The following ART3 variants were observed in gnomAD, a reference collection of about 807,000 sequenced individuals.
The protein encoded by ART3 is ecto-ADP-ribosyltransferase 3.
In ART3, 49 loss-of-function variants were observed where a neutral mutation model predicts 48.5. The observed-to-expected ratio is 1.01, with a 90% CI of 0.80 to 1.28. The LOEUF is 1.28. ART3 is among the 50% of genes most tolerant of loss of function. The pLI, the probability that ART3 is intolerant of heterozygous loss-of-function variation, is 0.00. For synonymous variants in ART3, 145 were observed against 157.2 expected (o/e 0.92, Z 0.58); for missense variants, 438 against 454.3 (o/e 0.96, Z 0.33).
chr4:76,107,812 C>A lies in ART3; in HGVS notation c.1036+19C>A, dbSNP rs1318574436. 1.6e-5 allele frequency: 24 copies of A among 1,464,492 alleles called. No homozygotes were observed. The highest frequency in any genetic ancestry group is 1.3e-4 in the South Asian group (10 of 77,450). 90.7% of individuals were successfully genotyped at this position (1,464,492 alleles called of 1,614,324 possible). On this transcript the variant is annotated intron_variant, in intron 11 of 11. Transcript: ENST00000355810. ...AATCCTAGTAAGAAGTATCTCATTT[C>A]CTCAGTTGATAAATGCCTGCTTCTG...
intron 3 of ART3, among the ~76,000 whole-genome samples, chr4:76,088,057 C>G (rs1237850183): frequency 6.6e-6 from 1 of 151,978 alleles, no homozygotes; most frequent in African/African-American, 2.4e-5. Context: ...AATGAGACAC[C>G]CATCTCTTAA....
chr4:76,079,627 T>C (rs1328738681), intron 2 of ART3, among the ~76,000 whole-genome samples: 1 of 152,066 alleles, frequency 6.6e-6, no homozygotes, highest in Non-Finnish European at 1.5e-5. Flanking sequence ...AACTGGAATA[T>C]GTTGGGTCTG....
rs536015526 is a variant in ART3, at chr4:76,099,040, G to A, written c.847+53G>A. The A allele has an allele frequency of 2.4e-5, 36 of 1,525,388 alleles. No individual in the cohort carries two copies. The African/African-American group carries it at 4.2e-4, about 18-fold the overall frequency. The allele number at this position is 1,525,388 out of a possible 1,614,324, so 94.5% of individuals were successfully genotyped here. A position where few individuals can be genotyped will look rare whatever the true frequency, so the allele number is the denominator to read the frequency against. On this transcript the variant is annotated intron_variant, in intron 5 of 11. Coordinates refer to ENST00000355810, the MANE Select transcript of ART3 (RefSeq NM_001130016.3). ...ATCTTGGTTGGGCATGGTGGCTCAC[G>A]CCTGTAATCCCAGCGCTTTGGAAGG... is the stretch of plus-strand genomic sequence containing the variant.
chr4:76,080,302 A>G (rs1722173133), intron 2 of ART3, among the ~76,000 whole-genome samples: 1 of 152,210 alleles, frequency 6.6e-6, no homozygotes, highest in Non-Finnish European at 1.5e-5. Context: ...ACAGTATAAT[A>G]CATATATTCC....
At chr4:76,098,608 A>C (rs1402130926) in intron 4 of ART3, among the ~76,000 whole-genome samples, 1 of 152,038 alleles carries the variant, frequency 6.6e-6, no homozygotes, top group Non-Finnish European at 1.5e-5. Context: ...AAAATACAAA[A>C]ATTAGCCAGG....
At chr4:76,029,186 A>T (rs1733664959) in intron 1 of ART3, among the ~76,000 whole-genome samples, 1 of 152,240 alleles carries the variant, frequency 6.6e-6, no homozygotes, top group Admixed American at 6.5e-5. Context: ...GATATGATAT[A>T]GTTCAGTAGT....
intron 9 of ART3, 95 bp downstream of exon 9, chr4:76,104,064 T>C (rs578128723): frequency 1.5e-6 from 2 of 1,339,928 alleles, no homozygotes; most frequent in East Asian, 2.3e-5. Context: ...CTATTATTCA[T>C]GAATATTTCC....
Position 76,100,717 on chromosome 4 carries a change from T to C in ART3, c.878-78T>C. On this transcript the variant is annotated intron_variant, in intron 6 of 11. Transcript: ENST00000355810. ...GGAATATTTTCATATTTCTTGCAAATAATTTTGCTGTAGCTGTAGTAACTG... is the reference window on the plus strand; with the variant it reads ...GGAATATTTTCATATTTCTTGCAAACAATTTTGCTGTAGCTGTAGTAACTG... 5 of 1,495,290 alleles carry C rather than the reference T, an allele frequency of 3.3e-6. No individual in the cohort carries two copies. In the South Asian group the frequency reaches 4.9e-5, roughly 15 times the overall value. The allele number at this position is 1,495,290 out of a possible 1,614,324, so 92.6% of individuals were successfully genotyped here. A position where few individuals can be genotyped will look rare whatever the true frequency, so the allele number is the denominator to read the frequency against.
At position 76,074,795 on chromosome 4, in the gene ART3, C is replaced by A. The variant is rs922369581; in HGVS notation, c.-34C>A. 3 of 152,192 alleles carry A rather than the reference C, an allele frequency of 2.0e-5. No homozygotes were observed. The highest frequency in any genetic ancestry group is 4.4e-5 in the Non-Finnish European group (3 of 68,028). 9.4% of individuals were successfully genotyped at this position (152,192 alleles called of 1,614,324 possible). ...AGTTTGAGGCCTAGCATCACTTAAA[C>A]TTCCTCCAAAGGCACAAAAGCCAGG... On this transcript the variant is annotated 5_prime_UTR_variant, in exon 1 of 12. Coordinates refer to ENST00000355810, the MANE Select transcript of ART3 (RefSeq NM_001130016.3).
At chr4:76,029,442 A>C (rs1733686139) in intron 1 of ART3, among the ~76,000 whole-genome samples, 1 of 152,196 alleles carries the variant, frequency 6.6e-6, no homozygotes, top group South Asian at 2.1e-4. Context: ...AAGTGAAACT[A>C]TGGTTTCAGT....
At chr4:76,042,431 A>T (rs1297048297) in intron 1 of ART3, among the ~76,000 whole-genome samples, 1 of 152,210 alleles carries the variant, frequency 6.6e-6, no homozygotes, top group Non-Finnish European at 1.5e-5. Context: ...TAGAAGACAG[A>T]TGACTCACTC....
intron 1 of ART3, among the ~76,000 whole-genome samples, chr4:76,048,938 C>T (rs543334081): frequency 2.0e-5 from 3 of 151,946 alleles, no homozygotes; most frequent in Non-Finnish European, 4.4e-5. Context: ...GAGGGCCATA[C>T]CCTGAGGGAG....
At position 76,111,057 on chromosome 4, in the gene ART3, A is replaced by G. The variant is rs144580550; in HGVS notation, c.1037-1329A>G. ...AAAACTTAACTGCATAAAATTAACT[A>G]TAATACATACTGTATCATTGTAATC... On this transcript the variant is annotated intron_variant, in intron 11 of 11. Transcript: ENST00000355810. Among the ~76,000 whole-genome samples the G allele has an allele frequency of 2.2e-4, 34 of 152,324 alleles. No individual in the cohort carries two copies. In the East Asian group the frequency reaches 5.8e-3, roughly 26 times the overall value.
intron 1 of ART3, among the ~76,000 whole-genome samples, chr4:76,054,193 T>C (rs1353376349): frequency 6.6e-6 from 1 of 152,132 alleles, no homozygotes; most frequent in Non-Finnish European, 1.5e-5. Context: ...CAGGGCTAGT[T>C]GGAAAGAGAA....
intron 3 of ART3, among the ~76,000 whole-genome samples, chr4:76,085,935 G>A (rs1723448789): frequency 6.6e-6 from 1 of 152,042 alleles, no homozygotes; most frequent in Admixed American, 6.6e-5. Context: ...AGCCAGGCGT[G>A]GTGCCACGTG....
At chr4:76,078,355 T>A (rs1296634522) in intron 2 of ART3, among the ~76,000 whole-genome samples, 1 of 152,134 alleles carries the variant, frequency 6.6e-6, no homozygotes, top group African/African-American at 2.4e-5. Context: ...GTAAGGAATG[T>A]GGGAGGTGTT....
chr4:76,089,874 G>A (rs1724471327), intron 3 of ART3, among the ~76,000 whole-genome samples: 1 of 152,122 alleles, frequency 6.6e-6, no homozygotes, highest in Admixed American at 6.5e-5. Flanking sequence ...GGGGTCAGGT[G>A]TTCGAGACCA....
At chr4:76,052,732 T>TTTTTA (rs1560599868) in intron 1 of ART3, among the ~76,000 whole-genome samples, 1 of 150,452 alleles carries the variant, frequency 6.6e-6, no homozygotes. Context: ...TTTTTTTTTT[T>TTTTTA]AAGACAGAGT....
Position 76,106,420 on chromosome 4 carries a change from C to T in ART3, c.1004-1341C>T, listed in dbSNP as rs375214886. 56 of 955,944 alleles carry T rather than the reference C, an allele frequency of 5.9e-5. No homozygotes were observed. In the East Asian group the frequency reaches 4.7e-3, roughly 81 times the overall value. The allele number at this position is 955,944 out of a possible 1,614,324, so 59.2% of individuals were successfully genotyped here. A position where few individuals can be genotyped will look rare whatever the true frequency, so the allele number is the denominator to read the frequency against. On this transcript the variant is annotated intron_variant, in intron 10 of 11. Transcript: ENST00000355810. ...ACAGATTTATTTTAGAGAAAACAAA[C>T]TTGAGAGGCGCCTTCTGGCCGAGTT...
Sources: gnomAD v4.1 joint callset for allele counts (sites outside exome capture counted in the v4.1 genomes callset) on GRCh38, gnomAD v4.1.1 for gene constraint, MANE v1.5 for transcripts, NCBI Gene and HGNC (gene_info 2026-07-23, HGNC 2026-07-21) for gene names.